The following PHKB variants were observed in gnomAD, a reference collection of about 807,000 sequenced individuals.
PHKB encodes phosphorylase kinase regulatory subunit beta.
In PHKB, 122 loss-of-function variants were observed where a neutral mutation model predicts 152.1. That is an observed-to-expected ratio of 0.80 (90% CI 0.69 to 0.93). PHKB has a LOEUF of 0.93. Among genes scored for constraint, PHKB ranks in the 40% least tolerant of loss-of-function variants. The pLI is 0.00. For missense variants in PHKB, 1,304 were observed against 1,328.4 expected (o/e 0.98, Z 0.29); for synonymous variants, 436 against 464.9 (o/e 0.94, Z 0.80).
At chr16:47,552,512 T>A (rs1489303793) in intron 7 of PHKB, among the ~76,000 whole-genome samples, 1 of 152,146 alleles carries the variant, frequency 6.6e-6, no homozygotes, top group Non-Finnish European at 1.5e-5. Flanking sequence ...GGTTTAAAAT[T>A]CTTTTCTTTA....
chr16:47,584,097 T>G (rs1421197246), intron 8 of PHKB, among the ~76,000 whole-genome samples: 9 of 152,068 alleles, frequency 5.9e-5, no homozygotes, highest in Non-Finnish European at 1.5e-5. Context: ...GAAACTATTT[T>G]CCAAATTTAT....
At chr16:47,574,960 C>T (rs1341937570) in intron 7 of PHKB, among the ~76,000 whole-genome samples, 1 of 152,172 alleles carries the variant, frequency 6.6e-6, no homozygotes, top group Non-Finnish European at 1.5e-5. Context: ...ACTTCCAGTA[C>T]TATGTTAGTC....
intron 26 of PHKB, among the ~76,000 whole-genome samples, chr16:47,683,013 G>C (rs941211342): frequency 6.6e-6 from 1 of 152,194 alleles, no homozygotes; most frequent in Non-Finnish European, 1.5e-5. Context: ...GTCTGTTGGA[G>C]TTTGCTAGAG....
At chr16:47,580,226 A>G in intron 7 of PHKB, 69 bp from the exon 8 acceptor site, 2 of 1,151,350 alleles carry the variant, frequency 1.7e-6, no homozygotes, top group Non-Finnish European at 1.3e-6. Context: ...GTGAATATTC[A>G]TCAGATAATG....
chr16:47,473,218 A>ATTTTTT (rs1043960499), intron 1 of PHKB, among the ~76,000 whole-genome samples: 656 of 48,836 alleles, frequency 0.013, 32 homozygotes, highest in African/African-American at 0.023. Context: ...TGCCTGGCTA[A>ATTTTTT]TTTTTTTTTT....
chr16:47,692,333 G>T (rs916281346), intron 27 of PHKB, among the ~76,000 whole-genome samples: 2 of 152,068 alleles, frequency 1.3e-5, no homozygotes, highest in African/African-American at 4.8e-5. Flanking sequence ...ACGTGTATCT[G>T]GGCTGTGTGC....
intron 14 of PHKB, among the ~76,000 whole-genome samples, chr16:47,616,085 A>G (rs1049913473): frequency 1.3e-5 from 2 of 151,926 alleles, no homozygotes; most frequent in Admixed American, 1.3e-4. Flanking sequence ...TGAGACCTTT[A>G]TATGATTGCA....
At position 47,499,797 on chromosome 16, in the gene PHKB, C is replaced by G; in HGVS notation, c.208C>G (p.Leu70Val). The G allele has an allele frequency of 6.2e-7, 1 of 1,614,198 alleles. No individual in the cohort carries two copies. The highest frequency in any genetic ancestry group is 8.5e-7 in the Non-Finnish European group (1 of 1,180,006). Residue 70 changes from leucine (L) to valine (V), a missense_variant, in exon 3 of 31, where the codon CTC (leucine) becomes GTC (valine). By Grantham distance (32) the Leu-to-Val change is conservative. Transcript: ENST00000323584. ...LLLYQSPTTG[L>V]FPTKTCGGDQ... ...GCTGTATCAAAGTCCAACTACCGGT[C>G]TCTTTCCCACTAAAACATGCGGTGG...
At chr16:47,633,957 C>T (rs1972871672) in intron 14 of PHKB, among the ~76,000 whole-genome samples, 1 of 152,138 alleles carries the variant, frequency 6.6e-6, no homozygotes, top group African/African-American at 2.4e-5. Flanking sequence ...TGAACCTGAC[C>T]ATAAATCGCA....
intron 1 of PHKB, among the ~76,000 whole-genome samples, chr16:47,472,092 T>C (rs968468024): frequency 2.0e-4 from 31 of 152,164 alleles, no homozygotes; most frequent in African/African-American, 7.5e-4. Flanking sequence ...TACATGTGTG[T>C]GTATATATAG....
chr16:47,550,062 C>A (rs1284841656), intron 7 of PHKB, among the ~76,000 whole-genome samples: 1 of 152,074 alleles, frequency 6.6e-6, no homozygotes, highest in Non-Finnish European at 1.5e-5. Flanking sequence ...CTTTAAAATT[C>A]CCCAAAAGAA....
intron 6 of PHKB, among the ~76,000 whole-genome samples, chr16:47,542,171 C>CTATAAGG (rs541172684): frequency 2.0e-5 from 3 of 151,382 alleles, no homozygotes; most frequent in East Asian, 1.9e-4. Flanking sequence ...ATTAATTTTC[C>CTATAAGG]TATAAGGTAT....
At chr16:47,555,475 A>G (rs1257752349) in intron 7 of PHKB, among the ~76,000 whole-genome samples, 1 of 152,210 alleles carries the variant, frequency 6.6e-6, no homozygotes, top group Admixed American at 6.5e-5. Context: ...ACAAATCACT[A>G]TCTCCCAAAC....
At chr16:47,519,460 G>A (rs1970650091) in intron 6 of PHKB, among the ~76,000 whole-genome samples, 1 of 152,166 alleles carries the variant, frequency 6.6e-6, no homozygotes, top group African/African-American at 2.4e-5. Flanking sequence ...CATCTGAAGG[G>A]TTTACTGAGA....
intron 14 of PHKB, among the ~76,000 whole-genome samples, chr16:47,612,246 G>T (rs1303269217): frequency 6.6e-6 from 1 of 152,198 alleles, no homozygotes; most frequent in Non-Finnish European, 1.5e-5. Context: ...TATTTCACAT[G>T]TGTGACCCAC....
At chr16:47,669,458 A>C in intron 26 of PHKB, 41 bp downstream of exon 26, 1 of 1,579,500 alleles carries the variant, frequency 6.3e-7, no homozygotes, top group African/African-American at 1.3e-5. Context: ...AGAATTGTTC[A>C]AGTTGTCCTC....
intron 25 of PHKB, among the ~76,000 whole-genome samples, chr16:47,666,190 C>G (rs1259122039): frequency 6.6e-6 from 1 of 152,152 alleles, no homozygotes; most frequent in East Asian, 1.9e-4. Flanking sequence ...CTTCCCCAAG[C>G]AAAATCTAGT....
intron 1 of PHKB, among the ~76,000 whole-genome samples, chr16:47,490,049 C>T (rs550840681): frequency 6.6e-6 from 1 of 152,120 alleles, no homozygotes; most frequent in African/African-American, 2.4e-5. Context: ...CACTGAAAAA[C>T]AAAACAAGGA....
intron 7 of PHKB, among the ~76,000 whole-genome samples, chr16:47,574,378 T>C (rs948533757): frequency 6.6e-6 from 1 of 152,222 alleles, no homozygotes; most frequent in African/African-American, 2.4e-5. Context: ...ACTCACCATG[T>C]AGGTTGCCAC....
Sources: allele counts gnomAD v4.1 joint callset (sites outside exome capture counted in the v4.1 genomes callset), GRCh38; gene constraint gnomAD v4.1.1; transcripts MANE v1.5; gene names NCBI Gene and HGNC (gene_info 2026-07-23, HGNC 2026-07-21).